UBE4A: variants seen among roughly 807,000 people sequenced by gnomAD.
UBE4A encodes ubiquitin conjugation factor E4 A.
Under a neutral mutation model 117.9 loss-of-function variants are expected in UBE4A, and 48 were observed. That is an observed-to-expected ratio of 0.41 (90% CI 0.32 to 0.52). UBE4A has a LOEUF of 0.52. UBE4A is among the 20% of genes least tolerant of loss of function. UBE4A has a pLI of 0.33. For missense variants in UBE4A, 1,067 were observed against 1,296.3 expected (o/e 0.82, Z 2.72); for synonymous variants, 407 against 450.0 (o/e 0.90, Z 1.21).
At chr11:118,375,360 T>A in intron 9 of UBE4A, 131 bp downstream of exon 9, 4 of 928,790 alleles carry the variant, frequency 4.3e-6, no homozygotes, top group East Asian at 5.9e-5. Flanking sequence ...CTATTTCGAT[T>A]TTTTTTTCTT....
Position 118,365,152 on chromosome 11 carries a change from T to A in UBE4A, c.72T>A (p.Asp24Glu), listed in dbSNP as rs767224116. Residue 24 changes from aspartate to glutamate, a missense_variant, in exon 2 of 20, where the codon GAT becomes GAA. Asp to Glu is a conservative substitution (Grantham distance 45). Around this residue, in one of 3 missense-constraint regions of UBE4A, gnomAD observed 1,001 missense variants for 1,184.0 expected, o/e 0.85. Transcript: ENST00000252108. Reference protein sequence around the residue: ...PFAALFGSLADAKQFAAIQKE... With the variant: ...PFAALFGSLAEAKQFAAIQKE... ...CTGCTCTTTTTGGCTCCCTGGCTGATGCCAAACAGTTTGCGGCAATCCAAA... is the reference window on the plus strand; with the variant it reads ...CTGCTCTTTTTGGCTCCCTGGCTGAAGCCAAACAGTTTGCGGCAATCCAAA... The A allele has an allele frequency of 1.1e-5, 17 of 1,613,928 alleles. No homozygotes were observed. The South Asian group carries it at 1.9e-4, about 18-fold the overall frequency.
Position 118,382,882 on chromosome 11 carries a change from T to C in UBE4A, c.2197+106T>C, listed in dbSNP as rs1189587021. On this transcript the variant is annotated intron_variant, in intron 13 of 19. Transcript: ENST00000252108. Reference sequence around the variant, plus strand: ...CAAAGAAATGTCAAGCCATTACTTATTGAATACCTACTATATGCCAGGCTT... The same window carrying C: ...CAAAGAAATGTCAAGCCATTACTTACTGAATACCTACTATATGCCAGGCTT... The C allele has an allele frequency of 1.5e-5, 16 of 1,095,850 alleles. No individual in the cohort carries two copies. In the East Asian group the frequency reaches 2.0e-4, roughly 14 times the overall value. 67.9% of individuals were successfully genotyped at this position (1,095,850 alleles called of 1,614,324 possible).
chr11:118,365,225 C>T (rs1182506643), intron 2 of UBE4A, 24 bp downstream of exon 2: 1 of 1,565,270 alleles, frequency 6.4e-7, no homozygotes, highest in African/African-American at 1.4e-5. Context: ...CCAATAGCAG[C>T]AAATAAGATG....
intron 13 of UBE4A, among the ~76,000 whole-genome samples, chr11:118,383,804 A>G (rs1302374243): frequency 2.0e-5 from 3 of 152,156 alleles, no homozygotes; most frequent in Non-Finnish European, 4.4e-5. Flanking sequence ...CCGCCTTTCC[A>G]TATTTGGATT....
chr11:118,362,110 T>A (rs1948525053), intron 1 of UBE4A, among the ~76,000 whole-genome samples: 1 of 152,158 alleles, frequency 6.6e-6, no homozygotes. Flanking sequence ...TTTTTGTTTC[T>A]CTTGATAGTC....
Position 118,365,058 on chromosome 11 carries a change from G to T in UBE4A, c.-23G>T, listed in dbSNP as rs1472576788. On this transcript the variant is annotated 5_prime_UTR_variant, in exon 2 of 20. Transcript: ENST00000252108. ...TGAACAGCCTCTCCCACTAGGTCTG[G>T]ATGGAGGATACCTTAAAGTGAAATG... The T allele has an allele frequency of 6.8e-6, 11 of 1,612,280 alleles. No individual in the cohort carries two copies. Among genetic ancestry groups the T allele is most frequent in the Non-Finnish European group, 9.3e-6 (11 of 1,179,280 alleles).
chr11:118,361,969 A>C (rs1376492343), intron 1 of UBE4A, among the ~76,000 whole-genome samples: 1 of 152,280 alleles, frequency 6.6e-6, no homozygotes, highest in Non-Finnish European at 1.5e-5. Flanking sequence ...AGATCTGCTT[A>C]GAAATACAAT....
At chr11:118,394,153 A>T (rs1455597691) in intron 19 of UBE4A, among the ~76,000 whole-genome samples, 1 of 151,792 alleles carries the variant, frequency 6.6e-6, no homozygotes, top group Non-Finnish European at 1.5e-5. Flanking sequence ...GCCTATTTAT[A>T]TATTTATTTA....
At chr11:118,365,458 GA>G in intron 2 of UBE4A, among the ~76,000 whole-genome samples, 1 of 151,990 alleles carries the variant, frequency 6.6e-6, no homozygotes, top group Non-Finnish European at 1.5e-5. Flanking sequence ...CATAGTAACA[GA>G]TGCCAGTCGT....
Position 118,384,919 on chromosome 11 carries a change from A to G in UBE4A, c.2386A>G (p.Ile796Val). Residue 796 changes from isoleucine to valine, a missense_variant, in exon 15 of 20, where the codon ATC becomes GTC. This residue lies in a region of UBE4A where 1,001 missense variants were observed against 1,184.0 expected (regional missense o/e 0.85). Coordinates refer to ENST00000252108, the MANE Select transcript of UBE4A (RefSeq NM_001204077.2). ...TCTTAACCTGCTAATGAATGATGCC[A>G]TCTTCCTTTTGGATGAAGCCATACA... ...RFLNLLMNDAIFLLDEAIQYL... is the reference protein window; with the variant it reads ...RFLNLLMNDAVFLLDEAIQYL... The G allele has an allele frequency of 6.2e-7, 1 of 1,604,984 alleles. No individual in the cohort carries two copies. Among genetic ancestry groups the G allele is most frequent in the Non-Finnish European group, 8.5e-7 (1 of 1,173,754 alleles).
At chr11:118,377,092 T>A (rs1186400598) in intron 10 of UBE4A, among the ~76,000 whole-genome samples, 3 of 152,174 alleles carry the variant, frequency 2.0e-5, no homozygotes, top group African/African-American at 7.2e-5. Context: ...AGATATAATC[T>A]GAGCTTATTC....
intron 1 of UBE4A, among the ~76,000 whole-genome samples, chr11:118,364,751 T>A (rs187919281): frequency 9.9e-5 from 15 of 152,238 alleles, no homozygotes; most frequent in African/African-American, 3.6e-4. Flanking sequence ...TAACCTGTTT[T>A]CTTAAAGGTA....
rs1555127213 is a variant in UBE4A at position 118,386,299 on chromosome 11, G to C, written c.2413-139G>C. ...CTTTTGAGCTTCAGCCTTATGCTGAGAAATAAAGGCTCATGTCTTTTACAT... is the reference window on the plus strand; with the variant it reads ...CTTTTGAGCTTCAGCCTTATGCTGACAAATAAAGGCTCATGTCTTTTACAT... On this transcript the variant is annotated intron_variant, in intron 15 of 19. Coordinates refer to ENST00000252108, the MANE Select transcript of UBE4A (RefSeq NM_001204077.2). The C allele has an allele frequency of 3.3e-6, 3 of 917,388 alleles. No individual in the cohort carries two copies. In the African/African-American group the frequency reaches 5.3e-5, roughly 16 times the overall value. 56.8% of individuals were successfully genotyped at this position (917,388 alleles called of 1,614,324 possible). A position where few individuals can be genotyped will look rare whatever the true frequency, so the allele number is the denominator to read the frequency against.
rs1948655559 is a variant in UBE4A, at chr11:118,376,694, G to A, written c.1571G>A (p.Arg524Lys). 6.2e-7 allele frequency: 1 copy of A among 1,613,156 alleles called. No individual in the cohort carries two copies. Residue 524 changes from arginine (R) to lysine (K), a missense_variant and splice_region_variant, in exon 10 of 20, where the codon AGG becomes AAG. Arg to Lys is a conservative substitution (Grantham distance 26, BLOSUM62 2). Coordinates refer to ENST00000252108, the MANE Select transcript of UBE4A (RefSeq NM_001204077.2). ...TACACCTTGTACTTGGGATTTCACA[G>A]GTAACTCCTCTGATGTCATTAGGAA... ...TEYTLYLGFH[R>K]LHDQMVKINQ...
intron 18 of UBE4A, among the ~76,000 whole-genome samples, chr11:118,392,397 C>T (rs538741466): frequency 2.0e-5 from 3 of 152,364 alleles, no homozygotes; most frequent in Admixed American, 1.3e-4. Flanking sequence ...TCTCCCTTCT[C>T]CATCCACTTT....
intron 19 of UBE4A, among the ~76,000 whole-genome samples, chr11:118,395,656 C>A (rs1350581237): frequency 2.6e-5 from 4 of 152,228 alleles, no homozygotes; most frequent in Admixed American, 1.3e-4. Flanking sequence ...ACAAATAGTT[C>A]TTTACACTGA....
At chr11:118,384,136 T>G (rs1948733071) in intron 13 of UBE4A, among the ~76,000 whole-genome samples, 1 of 152,260 alleles carries the variant, frequency 6.6e-6, no homozygotes, top group Admixed American at 6.5e-5. Context: ...GGAGCTCTAG[T>G]AATACCTTTG....
intron 11 of UBE4A, among the ~76,000 whole-genome samples, chr11:118,380,629 C>T (rs1304993744): frequency 6.6e-6 from 1 of 152,098 alleles, no homozygotes; most frequent in African/African-American, 2.4e-5. Context: ...CTGCAAACAG[C>T]TCACTCACCT....
Position 118,396,635 on chromosome 11 carries a change from C to G in UBE4A, c.*195C>G. ...TTCCTAAGAACTTGACAATGCTCCC[C>G]TGGCTTGCAGGAAATTATACTTATT... On this transcript the variant is annotated 3_prime_UTR_variant, in exon 20 of 20. Transcript: ENST00000252108. The G allele has an allele frequency of 1.8e-6, 1 of 551,686 alleles. No homozygotes were observed. Among genetic ancestry groups the G allele is most frequent in the Non-Finnish European group, 2.8e-6 (1 of 356,314 alleles). The allele number at this position is 551,686 out of a possible 1,614,324, so 34.2% of individuals were successfully genotyped here. A position where few individuals can be genotyped will look rare whatever the true frequency, so the allele number is the denominator to read the frequency against.
Sources: allele counts gnomAD v4.1 joint callset (sites outside exome capture counted in the v4.1 genomes callset), GRCh38; gene constraint gnomAD v4.1.1; regional missense constraint gnomAD v4.1.1; transcripts MANE v1.5; gene names NCBI Gene and HGNC (gene_info 2026-07-23, HGNC 2026-07-21).